The following GALNT18 variants were observed in gnomAD, a reference collection of about 807,000 sequenced individuals.
The protein encoded by GALNT18 is polypeptide N-acetylgalactosaminyltransferase 18.
Under a neutral mutation model 69.5 loss-of-function variants are expected in GALNT18, and 44 were observed. The ratio of observed to expected loss-of-function variants is 0.63; its 90% CI spans 0.50 to 0.81. GALNT18 has a LOEUF of 0.81. GALNT18 is among the 40% of genes least tolerant of loss of function. The pLI is 0.00. For synonymous variants in GALNT18, 364 were observed against 318.2 expected (o/e 1.14, Z -1.53); for missense variants, 715 against 810.0 (o/e 0.88, Z 1.42).
chr11:11,498,948 T>A (rs1856922230), intron 1 of GALNT18, among the ~76,000 whole-genome samples: 1 of 152,262 alleles, frequency 6.6e-6, no homozygotes, highest in African/African-American at 2.4e-5. Flanking sequence ...CACTTTCCTA[T>A]GTCTTTCAAA....
chr11:11,404,330 C>G lies in GALNT18; in HGVS notation c.596-25066G>C, dbSNP rs1036877228. On this transcript the variant is annotated intron_variant, in intron 3 of 10. Coordinates refer to ENST00000227756, the MANE Select transcript of GALNT18 (RefSeq NM_198516.3). The surrounding 1 kb of genome is among the most constrained non-coding windows in gnomAD (Gnocchi z 4.5). The stretch of plus-strand genomic sequence containing the variant: ...CATCTGTGAATAGGGGTAAGACAAG[C>G]GGGTATATTAGTTGGATTCAACTTC... Among the ~76,000 whole-genome samples the G allele has an allele frequency of 6.6e-6, 1 of 152,146 alleles. No individual in the cohort carries two copies. The highest frequency in any genetic ancestry group is 1.5e-5 in the Non-Finnish European group (1 of 68,028).
At chr11:11,551,097 A>G (rs1425162753) in intron 1 of GALNT18, among the ~76,000 whole-genome samples, 1 of 152,000 alleles carries the variant, frequency 6.6e-6, no homozygotes, top group Non-Finnish European at 1.5e-5. Context: ...AAAAAAAAAA[A>G]AAAAAGCCCA....
At chr11:11,498,128 T>C (rs2133894843) in intron 1 of GALNT18, among the ~76,000 whole-genome samples, 1 of 152,348 alleles carries the variant, frequency 6.6e-6, no homozygotes, top group South Asian at 2.1e-4. Context: ...ATATGTCTTC[T>C]AATCTTTATC....
chr11:11,438,875 T>C (rs966927369), intron 2 of GALNT18, among the ~76,000 whole-genome samples: 2 of 152,222 alleles, frequency 1.3e-5, no homozygotes, highest in African/African-American at 4.8e-5. Context: ...ATGGTCTTCC[T>C]GTGACACTCC....
chr11:11,328,455 G>A (rs1039114615), intron 8 of GALNT18, among the ~76,000 whole-genome samples: 2 of 152,190 alleles, frequency 1.3e-5, no homozygotes, highest in African/African-American at 4.8e-5. Context: ...ACTCCTGATG[G>A]TTTGTGGCAG....
chr11:11,401,708 C>A (rs952966858), intron 3 of GALNT18, among the ~76,000 whole-genome samples: 1 of 152,232 alleles, frequency 6.6e-6, no homozygotes, highest in Non-Finnish European at 1.5e-5. Context: ...GTATACAGTA[C>A]ACAATGCACA....
intron 10 of GALNT18, among the ~76,000 whole-genome samples, chr11:11,281,343 G>A (rs1424394104): frequency 1.3e-5 from 2 of 152,218 alleles, no homozygotes; most frequent in Non-Finnish European, 2.9e-5. Context: ...CTGGAAGGAT[G>A]AGCCAGAGGA....
chr11:11,375,314 T>TA (rs1853719725), intron 5 of GALNT18, among the ~76,000 whole-genome samples: 1 of 152,194 alleles, frequency 6.6e-6, no homozygotes, highest in Admixed American at 6.5e-5. Context: ...AAGTTTTTGA[T>TA]AAAAATTGGG....
At chr11:11,427,843 G>A (rs1855167878) in intron 3 of GALNT18, among the ~76,000 whole-genome samples, 2 of 152,120 alleles carry the variant, frequency 1.3e-5, no homozygotes, top group Admixed American at 6.5e-5. Context: ...CTTTCACTCC[G>A]ATTCCCCCAC....
chr11:11,566,772 T>C (rs892383140), intron 1 of GALNT18, among the ~76,000 whole-genome samples: 1 of 152,152 alleles, frequency 6.6e-6, no homozygotes, highest in Non-Finnish European at 1.5e-5. Flanking sequence ...TTTGAGAAAA[T>C]TCAGAGGAAC....
At chr11:11,597,235 T>C (rs957606514) in intron 1 of GALNT18, among the ~76,000 whole-genome samples, 1 of 152,212 alleles carries the variant, frequency 6.6e-6, no homozygotes, top group African/African-American at 2.4e-5. Context: ...TCATAGGAGA[T>C]ATGGTCTGAG....
chr11:11,586,744 C>T lies in GALNT18; in HGVS notation c.235+34615G>A, dbSNP rs148304507. Among the ~76,000 whole-genome samples, 1,774 of 152,164 alleles carry T rather than the reference C, an allele frequency of 0.012. 41 individuals are homozygous for T. The highest frequency in any genetic ancestry group is 0.04 in the African/African-American group (1,676 of 41,498). On this transcript the variant is annotated intron_variant, in intron 1 of 10. Transcript: ENST00000227756. This position sits in a 1 kb window ranked among gnomAD's most constrained non-coding sequence, Gnocchi z 4.1. ...ATCACAGCCCTTTGGGACGCCGAGG[C>T]GGGCAGATCACCTGAGGTCAGGAGT... is the stretch of plus-strand genomic sequence containing the variant.
intron 3 of GALNT18, among the ~76,000 whole-genome samples, chr11:11,398,618 T>G (rs898060171): frequency 6.6e-6 from 1 of 152,218 alleles, no homozygotes; most frequent in Non-Finnish European, 1.5e-5. Flanking sequence ...AGTGCCTGAC[T>G]GATCCCAAGA....
chr11:11,334,722 C>T (rs1344595147), intron 7 of GALNT18, among the ~76,000 whole-genome samples: 2 of 152,182 alleles, frequency 1.3e-5, no homozygotes, highest in African/African-American at 2.4e-5. Context: ...CGTGACTTGT[C>T]TGCTGCACAC....
chr11:11,477,647 T>G (rs1430916073), intron 1 of GALNT18, among the ~76,000 whole-genome samples: 4 of 152,228 alleles, frequency 2.6e-5, no homozygotes, highest in Non-Finnish European at 5.9e-5. Flanking sequence ...ACAGCGAGTT[T>G]AAGTTTTGCT....
chr11:11,351,568 A>C (rs945757805), intron 6 of GALNT18, among the ~76,000 whole-genome samples: 9 of 152,148 alleles, frequency 5.9e-5, no homozygotes, highest in Admixed American at 2.6e-4. Flanking sequence ...ATGGAACCAA[A>C]ACCCTATAGA....
intron 1 of GALNT18, among the ~76,000 whole-genome samples, chr11:11,557,619 A>C (rs1345503690): frequency 1.3e-5 from 2 of 152,206 alleles, no homozygotes; most frequent in African/African-American, 4.8e-5. Context: ...GACACACAGA[A>C]CGCTGTGTGG....
chr11:11,335,987 T>C (rs577376200), intron 7 of GALNT18, among the ~76,000 whole-genome samples: 2 of 152,332 alleles, frequency 1.3e-5, no homozygotes, highest in African/African-American at 4.8e-5. Context: ...TTTGTTACCA[T>C]AGCCCTAGGA....
rs1346056702 is a variant in GALNT18 at position 11,432,675 on chromosome 11, T to TG, written c.540dup (p.Thr181HisfsTer14). On this transcript the variant is annotated frameshift_variant, in exon 3 of 11. Coordinates refer to ENST00000227756, the MANE Select transcript of GALNT18 (RefSeq NM_198516.3). LOFTEE classifies it high-confidence loss of function. This position sits in a 1 kb window ranked among gnomAD's most constrained non-coding sequence, Gnocchi z 5.8. ...ATCTCCTTGAGCAGATGTGGGGGCG[T>TG]GCGTTCCATGGCCGAGTGGATGGAG... The TG allele has an allele frequency of 6.2e-7, 1 of 1,612,860 alleles. No individual in the cohort carries two copies. The highest frequency in any genetic ancestry group is 8.5e-7 in the Non-Finnish European group (1 of 1,179,566).
Sources: allele counts gnomAD v4.1 joint callset (sites outside exome capture counted in the v4.1 genomes callset), GRCh38; gene constraint gnomAD v4.1.1; non-coding constraint Gnocchi (gnomAD v3.1); transcripts MANE v1.5; gene names NCBI Gene and HGNC (gene_info 2026-07-23, HGNC 2026-07-21).